The following SNTG2 variants were observed in gnomAD, a reference collection of about 807,000 sequenced individuals.
SNTG2 encodes the protein gamma-2-syntrophin.
SNTG2 carries 74 observed loss-of-function variants against 70.9 expected under a neutral mutation model. The observed-to-expected ratio is 1.04, with a 90% CI of 0.86 to 1.27. SNTG2 has a LOEUF of 1.27. SNTG2 is among the 50% of genes most tolerant of loss of function. SNTG2 has a pLI of 0.00. For synonymous variants in SNTG2, 278 were observed against 273.8 expected (o/e 1.02, Z -0.15); for missense variants, 717 against 690.7 (o/e 1.04, Z -0.43).
chr2:965,551 C>T (rs944965353), intron 1 of SNTG2, among the ~76,000 whole-genome samples: 1 of 143,910 alleles, frequency 6.9e-6, no homozygotes, highest in Non-Finnish European at 1.5e-5. Context: ...TCCTTGACCC[C>T]CTGGTCCTCT....
rs60717774 is a variant in SNTG2, at chr2:1,307,155, CTGTG to C, written c.1285-1320_1285-1317del. 2.7e-3 allele frequency among the ~76,000 whole-genome samples: 365 copies of C among 134,514 alleles called. 1 individual carries two copies. The highest frequency in any genetic ancestry group is 9.3e-3 in the African/African-American group (328 of 35,386). 88.2% of individuals were successfully genotyped at this position (134,514 alleles called of 152,430 possible). ...CTGTGTGTGTGGTGGGAGCCATGTG[CTGTG>C]TGTGTGTGTGTGTGTGTGGTGTGTG... is the stretch of plus-strand genomic sequence containing the variant. On this transcript the variant is annotated intron_variant, in intron 14 of 16. Transcript: ENST00000308624.
At chr2:1,292,959 C>A (rs988680119) in intron 14 of SNTG2, among the ~76,000 whole-genome samples, 1 of 152,112 alleles carries the variant, frequency 6.6e-6, no homozygotes, top group Non-Finnish European at 1.5e-5. Flanking sequence ...AATTCACCAG[C>A]GAAACTATCT....
At chr2:1,259,474 A>G (rs1463772099) in intron 13 of SNTG2, 33 bp downstream of exon 13, 2 of 1,556,176 alleles carry the variant, frequency 1.3e-6, no homozygotes, top group Non-Finnish European at 1.8e-6. Flanking sequence ...ATGCTTTCAT[A>G]CAAATAAGAT....
chr2:1,142,476 A>C (rs1229426455), intron 6 of SNTG2, among the ~76,000 whole-genome samples: 1 of 145,930 alleles, frequency 6.9e-6, no homozygotes, highest in Non-Finnish European at 1.5e-5. Context: ...GGGATGGTGG[A>C]GCCTTCCTCA....
chr2:1,163,925 G>T (rs1342869218), intron 6 of SNTG2, among the ~76,000 whole-genome samples: 1 of 152,152 alleles, frequency 6.6e-6, no homozygotes, highest in Non-Finnish European at 1.5e-5. Flanking sequence ...TCAGGCCATG[G>T]GAACTTTCAA....
chr2:1,017,966 A>G (rs1659959325), intron 1 of SNTG2, among the ~76,000 whole-genome samples: 1 of 152,098 alleles, frequency 6.6e-6, no homozygotes, highest in Non-Finnish European at 1.5e-5. Context: ...AGAGTGCCCC[A>G]CGCCATCTCC....
chr2:1,127,358 A>C (rs895620914), intron 4 of SNTG2, among the ~76,000 whole-genome samples: 1 of 152,112 alleles, frequency 6.6e-6, no homozygotes, highest in Admixed American at 6.6e-5. Context: ...TTTGGTTACT[A>C]TAGCTTTATA....
intron 12 of SNTG2, among the ~76,000 whole-genome samples, chr2:1,259,022 TTAATC>T (rs1339323160): frequency 2.6e-5 from 4 of 152,212 alleles, no homozygotes; most frequent in Non-Finnish European, 4.4e-5. Context: ...AATCCCTAAT[TTAATC>T]TAAAAGGAAT....
chr2:1,002,469 G>A (rs1269670144), intron 1 of SNTG2, among the ~76,000 whole-genome samples: 1 of 151,962 alleles, frequency 6.6e-6, no homozygotes, highest in Non-Finnish European at 1.5e-5. Flanking sequence ...TTTTTCAAAA[G>A]ACAAACAAAT....
chr2:995,636 A>G (rs538370767), intron 1 of SNTG2, among the ~76,000 whole-genome samples: 1 of 152,170 alleles, frequency 6.6e-6, no homozygotes, highest in South Asian at 2.1e-4. Flanking sequence ...ATTCATTATT[A>G]TTTAAATATT....
At chr2:1,106,436 A>T (rs1450461918) in intron 4 of SNTG2, among the ~76,000 whole-genome samples, 1 of 105,870 alleles carries the variant, frequency 9.4e-6, no homozygotes, top group African/African-American at 3.8e-5. Flanking sequence ...ATAATAATGG[A>T]CACGTGCTGT....
chr2:1,042,014 A>G (rs767121755), intron 1 of SNTG2, among the ~76,000 whole-genome samples: 1 of 152,194 alleles, frequency 6.6e-6, no homozygotes, highest in Non-Finnish European at 1.5e-5. Context: ...TGCCATTAAC[A>G]TTTACATACA....
intron 8 of SNTG2, among the ~76,000 whole-genome samples, chr2:1,207,136 A>G (rs1022148780): frequency 1.3e-5 from 2 of 152,380 alleles, no homozygotes; most frequent in South Asian, 4.1e-4. Context: ...GCAGTAGTCT[A>G]TGTAGACAAA....
chr2:1,280,635 G>A (rs1679472248), intron 14 of SNTG2, among the ~76,000 whole-genome samples: 2 of 152,292 alleles, frequency 1.3e-5, no homozygotes, highest in South Asian at 2.1e-4. Context: ...TTAAAATTCA[G>A]CTTTTCCTTA....
chr2:1,367,376 C>T lies in SNTG2; in HGVS notation c.1522C>T (p.His508Tyr), dbSNP rs1661544872. Reference protein sequence around the residue: ...LEFQDLRAVLHCIHSFIAAKV... With the variant: ...LEFQDLRAVLYCIHSFIAAKV... ...GTTCCAGGACCTGAGGGCTGTCCTG[C>T]ACTGCATCCACTCCTTCATAGCAGC... The change falls in exon 17 of 17, where the codon CAC becomes TAC. Residue 508 changes from histidine (H) to tyrosine (Y), a missense_variant. By Grantham distance (83) the His-to-Tyr change is moderately conservative. Transcript: ENST00000308624. The T allele has an allele frequency of 6.4e-7, 1 of 1,551,600 alleles. No homozygotes were observed. Among genetic ancestry groups the T allele is most frequent in the South Asian group, 1.2e-5 (1 of 84,064 alleles).
chr2:1,303,810 G>A (rs940630198), intron 14 of SNTG2, among the ~76,000 whole-genome samples: 27 of 152,154 alleles, frequency 1.8e-4, no homozygotes, highest in African/African-American at 6.0e-4. Flanking sequence ...AACTTCGACA[G>A]GATAATGAAA....
intron 9 of SNTG2, among the ~76,000 whole-genome samples, chr2:1,223,995 G>A (rs909634437): frequency 8.0e-5 from 12 of 149,506 alleles, no homozygotes; most frequent in Admixed American, 6.6e-4. Context: ...AAGGCTGCAA[G>A]TGCAGGGTCA....
chr2:1,204,591 A>G (rs1468048134), intron 8 of SNTG2, among the ~76,000 whole-genome samples: 1 of 152,252 alleles, frequency 6.6e-6, no homozygotes, highest in East Asian at 1.9e-4. Context: ...CCTTGTGCAC[A>G]CACTGCTCCA....
intron 6 of SNTG2, among the ~76,000 whole-genome samples, chr2:1,138,911 C>T (rs764223597): frequency 1.3e-5 from 2 of 152,200 alleles, no homozygotes; most frequent in Non-Finnish European, 2.9e-5. Context: ...GGCAGGCACA[C>T]GCAGCAGTCT....
Sources: allele counts gnomAD v4.1 joint callset (sites outside exome capture counted in the v4.1 genomes callset), GRCh38; gene constraint gnomAD v4.1.1; transcripts MANE v1.5; gene names NCBI Gene and HGNC (gene_info 2026-07-23, HGNC 2026-07-21).